Variants in CCSER1 observed in about 807,000 individuals in gnomAD.
CCSER1 encodes serine-rich coiled-coil domain-containing protein 1.
CCSER1 carries 41 observed loss-of-function variants against 82.0 expected under a neutral mutation model. That is an observed-to-expected ratio of 0.50 (90% CI 0.39 to 0.65). CCSER1 has a LOEUF of 0.65. Among genes scored for constraint, CCSER1 ranks in the 30% least tolerant of loss-of-function variants. The probability of loss-of-function intolerance (pLI) is 0.00; values close to 1 mark genes in which losing one functional copy is unlikely to be tolerated. For missense variants in CCSER1, 1,119 were observed against 1,064.2 expected, an observed-to-expected ratio of 1.05 and a Z score of -0.72; for synonymous variants, 414 against 383.9, an observed-to-expected ratio of 1.08 and a Z score of -0.92.
intron 8 of CCSER1, among the ~76,000 whole-genome samples, chr4:90,870,023 G>A (rs2150025940): frequency 6.6e-6 from 1 of 151,936 alleles, no homozygotes; most frequent in East Asian, 1.9e-4. Context: ...ATCAAGAAAT[G>A]CACAGATTCT....
chr4:90,563,446 C>T (rs1282784504), intron 5 of CCSER1, among the ~76,000 whole-genome samples: 2 of 152,078 alleles, frequency 1.3e-5, no homozygotes, highest in African/African-American at 4.8e-5. Flanking sequence ...TCTTCTCCCC[C>T]ATCCCTCCAA....
At chr4:90,164,131 C>T (rs1211063307) in intron 1 of CCSER1, among the ~76,000 whole-genome samples, 1 of 152,080 alleles carries the variant, frequency 6.6e-6, no homozygotes, top group Non-Finnish European at 1.5e-5. Flanking sequence ...TTCTTTTAAC[C>T]TCATAGTTCT....
At chr4:90,786,326 T>C (rs1754514506) in intron 7 of CCSER1, among the ~76,000 whole-genome samples, 1 of 152,196 alleles carries the variant, frequency 6.6e-6, no homozygotes, top group South Asian at 2.1e-4. Context: ...TTGTTGTGAA[T>C]TTTCTTTTTT....
At chr4:91,363,865 G>C (rs1367353379) in intron 10 of CCSER1, among the ~76,000 whole-genome samples, 1 of 151,616 alleles carries the variant, frequency 6.6e-6, no homozygotes, top group Non-Finnish European at 1.5e-5. Flanking sequence ...TTTAGTTTGA[G>C]GTTTATATGA....
intron 4 of CCSER1, among the ~76,000 whole-genome samples, chr4:90,415,601 T>A (rs534780657): frequency 6.6e-6 from 1 of 152,266 alleles, no homozygotes; most frequent in African/African-American, 2.4e-5. Flanking sequence ...AATAAGACAA[T>A]TTTGCAAATG....
At chr4:91,167,591 G>A (rs1053378731) in intron 10 of CCSER1, among the ~76,000 whole-genome samples, 2 of 152,168 alleles carry the variant, frequency 1.3e-5, no homozygotes, top group Non-Finnish European at 2.9e-5. Flanking sequence ...AAATTGAATT[G>A]TGATTACACA....
intron 10 of CCSER1, among the ~76,000 whole-genome samples, chr4:91,441,832 C>A (rs1203924783): frequency 9.1e-6 from 1 of 109,424 alleles, no homozygotes; most frequent in Non-Finnish European, 2.0e-5. Flanking sequence ...CAATAACAGA[C>A]ACACAGAGTG....
intron 10 of CCSER1, among the ~76,000 whole-genome samples, chr4:91,205,236 T>A (rs1007681834): frequency 4.0e-5 from 6 of 151,824 alleles, no homozygotes; most frequent in Non-Finnish European, 8.8e-5. Context: ...CAAATTAAAA[T>A]CTTTAGCTCA....
At chr4:90,407,993 C>T (rs113089671) in intron 4 of CCSER1, among the ~76,000 whole-genome samples, 8,565 of 152,248 alleles carry the variant, frequency 0.056, 462 homozygotes, top group African/African-American at 0.14. Context: ...TTATATCCCG[C>T]GCATGGCTCA....
At chr4:90,984,728 G>A (rs1416793344) in intron 9 of CCSER1, among the ~76,000 whole-genome samples, 1 of 151,600 alleles carries the variant, frequency 6.6e-6, no homozygotes, top group Non-Finnish European at 1.5e-5. Flanking sequence ...ATGTGCACTA[G>A]AATGCAAAAG....
chr4:91,315,178 TGTAA>T (rs1360366648), intron 10 of CCSER1, among the ~76,000 whole-genome samples: 1 of 137,836 alleles, frequency 7.3e-6, no homozygotes, highest in Non-Finnish European at 1.6e-5. Context: ...TGTGTGTGTG[TGTAA>T]GTGTGTAATT....
intron 9 of CCSER1, among the ~76,000 whole-genome samples, chr4:90,986,405 C>T (rs978325178): frequency 6.6e-6 from 1 of 151,608 alleles, no homozygotes; most frequent in African/African-American, 2.4e-5. Context: ...TTTGAATGTC[C>T]TCAATTTTAT....
intron 8 of CCSER1, among the ~76,000 whole-genome samples, chr4:90,829,915 C>T (rs529772082): frequency 6.6e-6 from 1 of 152,264 alleles, no homozygotes; most frequent in East Asian, 1.9e-4. Context: ...GGCTTCCTTC[C>T]TTTTTCTAGT....
At chr4:90,834,855 G>C (rs1761586799) in intron 8 of CCSER1, among the ~76,000 whole-genome samples, 1 of 152,138 alleles carries the variant, frequency 6.6e-6, no homozygotes, top group Admixed American at 6.5e-5. Context: ...AATACTTACA[G>C]TTATTGAGCC....
At chr4:91,576,180 T>C (rs1444818589) in intron 10 of CCSER1, among the ~76,000 whole-genome samples, 1 of 152,010 alleles carries the variant, frequency 6.6e-6, no homozygotes, top group Non-Finnish European at 1.5e-5. Context: ...GTCAATTATC[T>C]ATGTCTAAAT....
At chr4:90,822,682 C>T (rs939005019) in intron 8 of CCSER1, among the ~76,000 whole-genome samples, 1 of 137,476 alleles carries the variant, frequency 7.3e-6, no homozygotes, top group Non-Finnish European at 1.5e-5. Context: ...GAGCTGATAA[C>T]GTGCCATTGC....
intron 1 of CCSER1, among the ~76,000 whole-genome samples, chr4:90,303,790 A>C (rs1196286927): frequency 6.6e-5 from 10 of 152,168 alleles, no homozygotes; most frequent in Admixed American, 2.0e-4. Flanking sequence ...CAAAAGCCAA[A>C]ATTGACAAAT....
chr4:90,410,268 G>C (rs1390901815), intron 4 of CCSER1, among the ~76,000 whole-genome samples: 3 of 152,130 alleles, frequency 2.0e-5, no homozygotes, highest in Non-Finnish European at 2.9e-5. Flanking sequence ...ACTCAGCTCT[G>C]CACCAAGTGG....
chr4:90,910,805 T>C lies in CCSER1; in HGVS notation c.2095-12565T>C, dbSNP rs573660024. 2.0e-3 allele frequency among the ~76,000 whole-genome samples: 301 copies of C among 152,332 alleles called. 1 individual carries two copies. The highest frequency in any genetic ancestry group is 7.0e-3 in the African/African-American group (290 of 41,568). On this transcript the variant is annotated intron_variant, in intron 8 of 10. Coordinates refer to ENST00000509176, the MANE Select transcript of CCSER1 (RefSeq NM_001145065.2). ...ATCCCTTTGTCCTTTTCTGCAATTT[T>C]TTAAAACCTCACATTGCTTTTCCTG... is the stretch of plus-strand genomic sequence containing the variant.
Sources: gnomAD v4.1 joint callset for allele counts (sites outside exome capture counted in the v4.1 genomes callset) on GRCh38, gnomAD v4.1.1 for gene constraint, MANE v1.5 for transcripts, NCBI Gene and HGNC (gene_info 2026-07-23, HGNC 2026-07-21) for gene names.